IL1RAPL2: variants seen among roughly 807,000 people sequenced by gnomAD.
The protein encoded by IL1RAPL2 is X-linked interleukin-1 receptor accessory protein-like 2.
In IL1RAPL2, 3 loss-of-function variants were observed where a neutral mutation model predicts 44.1. That is an observed-to-expected ratio of 0.07 (90% CI 0.03 to 0.18). The LOEUF is 0.18. Ranked by LOEUF, IL1RAPL2 falls within the 10% of genes least tolerant of loss-of-function variation. IL1RAPL2 has a pLI of 1.00. For synonymous variants in IL1RAPL2, 181 were observed against 178.8 expected (o/e 1.01, Z -0.10); for missense variants, 391 against 496.4 (o/e 0.79, Z 2.02).
At chrX:105,641,749 T>G (rs1331377272) in intron 6 of IL1RAPL2, among the ~76,000 whole-genome samples, 1 of 111,882 alleles carries the variant, frequency 8.9e-6, no homozygotes, top group East Asian at 2.8e-4. Flanking sequence ...CAAGATGATA[T>G]GTACAGAAGG....
At chrX:105,440,932 C>T (rs969503157) in intron 5 of IL1RAPL2, among the ~76,000 whole-genome samples, 28 of 111,709 alleles carry the variant, frequency 2.5e-4, no homozygotes, top group African/African-American at 8.1e-4. Flanking sequence ...TGTCTACCAC[C>T]ATGTAAGATG....
intron 5 of IL1RAPL2, among the ~76,000 whole-genome samples, chrX:105,381,161 C>G (rs1446411397): frequency 9.0e-6 from 1 of 111,381 alleles, no homozygotes; most frequent in African/African-American, 3.3e-5. Flanking sequence ...TGTTAGTACT[C>G]TCAATTTACA....
intron 2 of IL1RAPL2, among the ~76,000 whole-genome samples, chrX:104,806,783 A>AGAG (rs1395763397): frequency 8.9e-6 from 1 of 111,742 alleles, no homozygotes; most frequent in Non-Finnish European, 1.9e-5. Context: ...GGTATACCTG[A>AGAG]GAGGATCGAG....
At chrX:105,279,620 C>T (rs2034514511) in intron 5 of IL1RAPL2, among the ~76,000 whole-genome samples, 1 of 111,332 alleles carries the variant, frequency 9.0e-6, no homozygotes, top group Non-Finnish European at 1.9e-5. Context: ...GCTGGGACTA[C>T]AGGCGTGCAC....
intron 5 of IL1RAPL2, among the ~76,000 whole-genome samples, chrX:105,285,109 T>G (rs1044302943): frequency 1.8e-5 from 2 of 112,172 alleles, no homozygotes; most frequent in African/African-American, 3.2e-5. Context: ...GAGACTTACC[T>G]TCTCTGGTGC....
rs902446396 is a variant in IL1RAPL2 at position 105,472,489 on chromosome X, C to T, written c.698-11824C>T. Among the ~76,000 whole-genome samples the T allele has an allele frequency of 3.6e-5, 4 of 111,636 alleles. 1 individual carries two copies. The highest frequency in any genetic ancestry group is 1.9e-4 in the Admixed American group (2 of 10,488). ...CAACAATTCTTGCTTTCCTAGTCTC[C>T]GAGTTGGACTTAATGAGATAATCAT... On this transcript the variant is annotated intron_variant, in intron 5 of 10. Transcript: ENST00000372582.
At chrX:104,692,274 G>T (rs1569298099) in intron 2 of IL1RAPL2, among the ~76,000 whole-genome samples, 1 of 110,353 alleles carries the variant, frequency 9.1e-6, no homozygotes, top group African/African-American at 3.3e-5. Flanking sequence ...CTATCAAAAA[G>T]CTACACACAA....
At chrX:105,406,813 G>T (rs1408020887) in intron 5 of IL1RAPL2, 39 of 1,153,001 alleles carry the variant, frequency 3.4e-5, no homozygotes, top group Middle Eastern at 3.3e-4. Flanking sequence ...TCTGAAAGGT[G>T]TGGATATGGA....
chrX:105,347,480 A>G (rs746518199), intron 5 of IL1RAPL2, among the ~76,000 whole-genome samples: 47 of 110,956 alleles, frequency 4.2e-4, no homozygotes, highest in African/African-American at 1.5e-3. Flanking sequence ...TAAACACTCA[A>G]AAATAGTGGA....
chrX:105,212,924 A>G (rs1357113253), intron 3 of IL1RAPL2, among the ~76,000 whole-genome samples: 1 of 112,228 alleles, frequency 8.9e-6, no homozygotes, highest in Admixed American at 9.4e-5. Context: ...ACAGAAACCA[A>G]CAACATCAAC....
rs373408453 is a variant in IL1RAPL2 at position 105,409,837 on chromosome X, T to C, written c.698-74476T>C. Among the ~76,000 whole-genome samples, 46 of 91,736 alleles carry C rather than the reference T, an allele frequency of 5.0e-4. 1 individual carries two copies. In the South Asian group the frequency reaches 0.028, roughly 56 times the overall value. 79.7% of individuals were successfully genotyped at this position (91,736 alleles called of 115,157 possible). Reference sequence around the variant, plus strand: ...ATAGATAGATAGATAGATAGATAGATAGATAGATAGACAGACAGACAGACA... The same window carrying C: ...ATAGATAGATAGATAGATAGATAGACAGATAGATAGACAGACAGACAGACA... On this transcript the variant is annotated intron_variant, in intron 5 of 10. Coordinates refer to ENST00000372582, the MANE Select transcript of IL1RAPL2 (RefSeq NM_017416.2).
At chrX:105,468,408 G>C (rs1490504563) in intron 5 of IL1RAPL2, among the ~76,000 whole-genome samples, 1 of 104,443 alleles carries the variant, frequency 9.6e-6, no homozygotes, top group Non-Finnish European at 2.0e-5. Context: ...TTACTGAAAA[G>C]CCAGCAGTTT....
chrX:105,445,179 T>G (rs2147757297), intron 5 of IL1RAPL2, among the ~76,000 whole-genome samples: 1 of 111,909 alleles, frequency 8.9e-6, no homozygotes, highest in Admixed American at 9.5e-5. Context: ...TTAATTGGCA[T>G]AACTTACTCA....
chrX:105,260,374 G>A (rs754051350), intron 4 of IL1RAPL2, among the ~76,000 whole-genome samples: 53 of 112,007 alleles, frequency 4.7e-4, no homozygotes, highest in Admixed American at 2.8e-3. Flanking sequence ...GGGAGGTCCC[G>A]CCCAGTGAGT....
At chrX:105,633,450 T>G (rs1054511116) in intron 6 of IL1RAPL2, among the ~76,000 whole-genome samples, 8 of 111,712 alleles carry the variant, frequency 7.2e-5, no homozygotes, top group Non-Finnish European at 9.4e-5. Flanking sequence ...TTATTGATCT[T>G]CAAAGAATAT....
intron 2 of IL1RAPL2, among the ~76,000 whole-genome samples, chrX:105,079,306 A>G (rs966012332): frequency 9.1e-6 from 1 of 110,493 alleles, no homozygotes; most frequent in Non-Finnish European, 1.9e-5. Context: ...TGACCTAGCA[A>G]TCCTATTACT....
intron 2 of IL1RAPL2, among the ~76,000 whole-genome samples, chrX:104,819,819 A>G (rs909064057): frequency 1.6e-4 from 18 of 112,340 alleles, no homozygotes; most frequent in African/African-American, 5.8e-4. Flanking sequence ...TCTCAATACA[A>G]TGAGCTGAAG....
chrX:104,814,965 T>G (rs1387132849), intron 2 of IL1RAPL2, among the ~76,000 whole-genome samples: 2 of 111,845 alleles, frequency 1.8e-5, no homozygotes, highest in Admixed American at 9.5e-5. Context: ...GGCCTCAAAT[T>G]AACTTCATCA....
chrX:104,707,531 C>A (rs1931382866), intron 2 of IL1RAPL2, among the ~76,000 whole-genome samples: 1 of 111,610 alleles, frequency 9.0e-6, no homozygotes, highest in Non-Finnish European at 1.9e-5. Context: ...TTTTCAATAC[C>A]TTTTAATAAC....
Sources: allele counts gnomAD v4.1 joint callset (sites outside exome capture counted in the v4.1 genomes callset), GRCh38; gene constraint gnomAD v4.1.1; transcripts MANE v1.5; gene names NCBI Gene and HGNC (gene_info 2026-07-23, HGNC 2026-07-21).